The following SULT1B1 variants were observed in gnomAD, a reference collection of about 807,000 sequenced individuals.
SULT1B1 encodes the protein sulfotransferase family 1B member 1, also known as sulfotransferase 1B1.
In SULT1B1, 28 loss-of-function variants were observed where a neutral mutation model predicts 34.6. The observed-to-expected ratio is 0.81, with a 90% confidence interval of 0.60 to 1.11. The LOEUF is 1.11. SULT1B1 is among the 50% of genes least tolerant of loss of function. The pLI, the probability that SULT1B1 is intolerant of heterozygous loss-of-function variation, is 0.00. For missense variants in SULT1B1, 374 were observed against 352.2 expected (o/e 1.06, Z -0.50); for synonymous variants, 147 against 110.2 (o/e 1.33, Z -2.09).
At chr4:69,740,665 T>C (rs1718512006) in intron 4 of SULT1B1, among the ~76,000 whole-genome samples, 2 of 152,250 alleles carry the variant, frequency 1.3e-5, no homozygotes, top group African/African-American at 4.8e-5. Context: ...GAACAATTTA[T>C]ATGCCTTCAG....
intron 4 of SULT1B1, among the ~76,000 whole-genome samples, chr4:69,747,459 G>A (rs376840342): frequency 6.6e-6 from 1 of 152,194 alleles, no homozygotes. Context: ...CTATGCAGGG[G>A]CCCTAGTAGA....
rs1717670077 is a variant in SULT1B1, at chr4:69,721,579, C to T, written c.*5509G>A. ...TAACCTTCAAAAGCCTCCAATGACG[C>T]AATTTTTATCACACAGAACATAGGG... is the stretch of plus-strand genomic sequence containing the variant. On this transcript the variant is annotated 3_prime_UTR_variant, in exon 8 of 8. Coordinates refer to ENST00000310613, the MANE Select transcript of SULT1B1 (RefSeq NM_014465.4). 6.6e-6 allele frequency: 1 copy of T among 151,958 alleles called. No individual in the cohort carries two copies. The highest frequency in any genetic ancestry group is 1.9e-4 in the East Asian group (1 of 5,190). 9.4% of individuals were successfully genotyped at this position (151,958 alleles called of 1,614,324 possible).
intron 7 of SULT1B1, among the ~76,000 whole-genome samples, chr4:69,727,922 A>G (rs1174998608): frequency 6.6e-6 from 1 of 152,038 alleles, no homozygotes; most frequent in Non-Finnish European, 1.5e-5. Flanking sequence ...TTTAGAGAAA[A>G]ACATCTCACT....
Position 69,755,255 on chromosome 4 carries a change from A to T in SULT1B1, c.-38T>A. The T allele has an allele frequency of 6.3e-7, 1 of 1,595,196 alleles. No homozygotes were observed. On this transcript the variant is annotated 5_prime_UTR_variant, in exon 2 of 8. Coordinates refer to ENST00000310613, the MANE Select transcript of SULT1B1 (RefSeq NM_014465.4). Reference sequence around the variant, plus strand: ...TTGTACAAATATATAATAGATTGACAGTTGTTCTGGAGAAATATAGAGAAT... The same window carrying T: ...TTGTACAAATATATAATAGATTGACTGTTGTTCTGGAGAAATATAGAGAAT...
intron 6 of SULT1B1, among the ~76,000 whole-genome samples, chr4:69,731,345 G>A (rs1718074019): frequency 6.6e-6 from 1 of 152,188 alleles, no homozygotes; most frequent in African/African-American, 2.4e-5. Flanking sequence ...CCAATGATCT[G>A]ATGAAACAGT....
rs1275143164 is a variant in SULT1B1, at chr4:69,749,795, G to C, written c.301C>G (p.Pro101Ala). Reference sequence around the variant, plus strand: ...TGTGTTTTCACAATCCGGGGTGATGGATTCTTCTCCAATTGTTCTATACCT... The same window carrying C: ...TGTGTTTTCACAATCCGGGGTGATGCATTCTTCTCCAATTGTTCTATACCT... ...TSGIEQLEKNPSPRIVKTHLP... is the reference protein window; with the variant it reads ...TSGIEQLEKNASPRIVKTHLP... Residue 101 changes from proline to alanine, a missense_variant, in exon 4 of 8, where the codon CCA (proline) becomes GCA (alanine). By Grantham distance (27) the Pro-to-Ala change is conservative. Transcript: ENST00000310613. 6.2e-7 allele frequency: 1 copy of C among 1,613,436 alleles called. No homozygotes were observed. The highest frequency in any genetic ancestry group is 8.5e-7 in the Non-Finnish European group (1 of 1,179,508).
Position 69,727,120 on chromosome 4 carries a change from T to G in SULT1B1, c.859A>C (p.Lys287Gln). 6.2e-7 allele frequency: 1 copy of G among 1,610,940 alleles called. No individual in the cohort carries two copies. Among genetic ancestry groups the G allele is most frequent in the Non-Finnish European group, 8.5e-7 (1 of 1,178,484 alleles). ...FDAIYETEMSKTALQFRTEI is the reference protein window; with the variant it reads ...FDAIYETEMSQTALQFRTEI ...TCTGTGCGGAATTGAAGTGCAGTTT[T>G]GGACATTTCTGTCTCATAAATAGCA... is the stretch of plus-strand genomic sequence containing the variant. Residue 287 changes from lysine to glutamine, a missense_variant, in exon 8 of 8, where the codon AAA becomes CAA. Lys to Gln is a moderately conservative substitution (Grantham distance 53). Transcript: ENST00000310613.
At chr4:69,735,800 G>C (rs913771813) in intron 4 of SULT1B1, among the ~76,000 whole-genome samples, 11 of 152,132 alleles carry the variant, frequency 7.2e-5, no homozygotes, top group African/African-American at 2.7e-4. Context: ...AGTTGTCTTG[G>C]AGGGTGGACC....
At chr4:69,739,419 G>T (rs916838411) in intron 4 of SULT1B1, among the ~76,000 whole-genome samples, 2 of 152,194 alleles carry the variant, frequency 1.3e-5, no homozygotes, top group Non-Finnish European at 2.9e-5. Flanking sequence ...TGTGGAAGCT[G>T]CCAAAGCTTG....
At chr4:69,749,651 A>G in intron 4 of SULT1B1, 70 bp downstream of exon 4, 1 of 1,130,848 alleles carries the variant, frequency 8.8e-7, no homozygotes, top group Admixed American at 1.9e-5. Flanking sequence ...AATATTTTAA[A>G]AAATAAACTA....
At chr4:69,731,093 A>G (rs1718064696) in intron 6 of SULT1B1, among the ~76,000 whole-genome samples, 1 of 152,208 alleles carries the variant, frequency 6.6e-6, no homozygotes, top group Non-Finnish European at 1.5e-5. Flanking sequence ...TAAAATATTA[A>G]TGATGATAGT....
rs1165425379 is a variant in SULT1B1, at chr4:69,723,152, A to G, written c.*3936T>C. On this transcript the variant is annotated 3_prime_UTR_variant, in exon 8 of 8. Coordinates refer to ENST00000310613, the MANE Select transcript of SULT1B1 (RefSeq NM_014465.4). ...AGACTAATAAAGAAGAAAAGAGAGAAGAATCAAATAGATGCAATAAAAAAA... is the reference window on the plus strand; with the variant it reads ...AGACTAATAAAGAAGAAAAGAGAGAGGAATCAAATAGATGCAATAAAAAAA... The G allele has an allele frequency of 6.6e-6, 1 of 152,104 alleles. No homozygotes were observed. The highest frequency in any genetic ancestry group is 2.4e-5 in the African/African-American group (1 of 41,422). 9.4% of individuals were successfully genotyped at this position (152,104 alleles called of 1,614,324 possible).
chr4:69,747,386 T>A (rs937901927), intron 4 of SULT1B1, among the ~76,000 whole-genome samples: 1 of 152,190 alleles, frequency 6.6e-6, no homozygotes, highest in Admixed American at 6.5e-5. Context: ...TGAAGAACTA[T>A]GACAGCGGCT....
At chr4:69,737,843 G>A (rs911700376) in intron 4 of SULT1B1, among the ~76,000 whole-genome samples, 3 of 152,110 alleles carry the variant, frequency 2.0e-5, no homozygotes, top group African/African-American at 7.2e-5. Context: ...GTCCTAAAAT[G>A]CCAATAATGT....
At chr4:69,727,271 G>T in intron 7 of SULT1B1, 71 bp from the exon 8 acceptor site, 2 of 1,148,296 alleles carry the variant, frequency 1.7e-6, no homozygotes, top group South Asian at 1.8e-5. Context: ...TATACCAAAG[G>T]AAAAGATTAG....
Position 69,730,671 on chromosome 4 carries a change from T to C in SULT1B1, c.608A>G (p.Glu203Gly), listed in dbSNP as rs778690265. ...YYEDMKENPK[E>G]EIKKIIRFLE... is the part of the protein sequence containing the mutation. Reference sequence around the variant, plus strand: ...AAATCTAATGATCTTCTTGATTTCCTCCTTTGGATTCTATTAGTGGGTAAA... The same window carrying C: ...AAATCTAATGATCTTCTTGATTTCCCCCTTTGGATTCTATTAGTGGGTAAA... Residue 203 changes from glutamate (E) to glycine (G), a missense_variant, in exon 7 of 8, where the codon GAG becomes GGG. Coordinates refer to ENST00000310613, the MANE Select transcript of SULT1B1 (RefSeq NM_014465.4). The C allele has an allele frequency of 1.2e-6, 2 of 1,611,620 alleles. No individual in the cohort carries two copies. Among genetic ancestry groups the C allele is most frequent in the Non-Finnish European group, 1.7e-6 (2 of 1,179,352 alleles).
Position 69,726,581 on chromosome 4 carries a change from G to A in SULT1B1, c.*507C>T, listed in dbSNP as rs1717842942. 1 of 151,980 alleles carries A rather than the reference G, an allele frequency of 6.6e-6. No homozygotes were observed. Among genetic ancestry groups the A allele is most frequent in the Admixed American group, 6.6e-5 (1 of 15,214 alleles). The allele number at this position is 151,980 out of a possible 1,614,324, so 9.4% of individuals were successfully genotyped here. A position where few individuals can be genotyped will look rare whatever the true frequency, so the allele number is the denominator to read the frequency against. ...CATGAACTTTGTTATCCAAATAGAG[G>A]CACTGCAGGAAGATGAGCTATGACT... On this transcript the variant is annotated 3_prime_UTR_variant, in exon 8 of 8. Coordinates refer to ENST00000310613, the MANE Select transcript of SULT1B1 (RefSeq NM_014465.4).
chr4:69,753,761 A>G (rs770973210), intron 3 of SULT1B1, among the ~76,000 whole-genome samples: 5 of 152,244 alleles, frequency 3.3e-5, no homozygotes, highest in Non-Finnish European at 7.3e-5. Flanking sequence ...TTCTCTATAC[A>G]TAGTGAATTG....
chr4:69,735,519 A>T (rs1718268195), intron 4 of SULT1B1, among the ~76,000 whole-genome samples: 2 of 152,100 alleles, frequency 1.3e-5, no homozygotes, highest in South Asian at 4.1e-4. Flanking sequence ...AAGCAGTCCC[A>T]CCCATTCACA....
Sources: allele counts gnomAD v4.1 joint callset (sites outside exome capture counted in the v4.1 genomes callset), GRCh38; gene constraint gnomAD v4.1.1; transcripts MANE v1.5; gene names NCBI Gene and HGNC (gene_info 2026-07-23, HGNC 2026-07-21).